CYBB: variants seen among roughly 807,000 people sequenced by gnomAD.
The protein encoded by CYBB is cytochrome b-245 beta chain.
In CYBB, 5 loss-of-function variants were observed where a neutral mutation model predicts 46.5. The ratio of observed to expected loss-of-function variants is 0.11; its 90% CI spans 0.06 to 0.23. The LOEUF (loss-of-function observed/expected upper bound fraction) is 0.23, where lower values mean the gene tolerates loss of function less well. Among genes scored for constraint, CYBB ranks in the 10% least tolerant of loss-of-function variants. CYBB has a pLI of 1.00. For synonymous variants in CYBB, 183 were observed against 156.7 expected, an observed-to-expected ratio of 1.17 and a Z score of -1.26; for missense variants, 307 against 428.3, an observed-to-expected ratio of 0.72 and a Z score of 2.50.
chrX:37,802,012 G>GAACT (rs782155014), intron 8 of CYBB, among the ~76,000 whole-genome samples: 158 of 111,553 alleles, frequency 1.4e-3, no homozygotes, highest in African/African-American at 4.8e-3. Context: ...AATGTAAATG[G>GAACT]AACTCCTTGT....
Position 37,792,025 on chromosome X carries a change from T to C in CYBB, c.303T>C (p.His101=). Reference sequence around the variant, plus strand: ...AACTGGACAGGAATCTCACCTTTCATAAAATGGTGGCATGGATGATTGCAC... The same window carrying C: ...AACTGGACAGGAATCTCACCTTTCACAAAATGGTGGCATGGATGATTGCAC... ...RRQLDRNLTF[H]KMVAWMIALH... is the part of the protein sequence containing the mutation. Residue 101 remains histidine, a synonymous_variant, in exon 4 of 13, where the codon CAT becomes CAC. Coordinates refer to ENST00000378588, the MANE Select transcript of CYBB (RefSeq NM_000397.4). 1 of 1,206,828 alleles carries C rather than the reference T, an allele frequency of 8.3e-7. No homozygotes were observed. Among genetic ancestry groups the C allele is most frequent in the South Asian group, 1.8e-5 (1 of 56,910 alleles).
At chrX:37,781,742 C>A (rs925735660) in intron 1 of CYBB, among the ~76,000 whole-genome samples, 12 of 111,487 alleles carry the variant, frequency 1.1e-4, no homozygotes, top group Non-Finnish European at 1.9e-4. Context: ...TGTTCCCTTC[C>A]TTTCTCATTT....
rs1556464897 is a variant in CYBB, at chrX:37,783,607, G to A, written c.252+7G>A. The A allele has an allele frequency of 1.8e-6, 2 of 1,139,817 alleles. No individual in the cohort carries two copies. Among genetic ancestry groups the A allele is most frequent in the South Asian group, 1.8e-5 (1 of 55,331 alleles). The allele number at this position is 1,139,817 out of a possible 1,213,427, so 93.9% of individuals were successfully genotyped here. A position where few individuals can be genotyped will look rare whatever the true frequency, so the allele number is the denominator to read the frequency against. On this transcript the variant is annotated splice_region_variant and intron_variant, in intron 3 of 12. Transcript: ENST00000378588. ...CCTCAGGGGTTCCAGTGCGGTAAGA[G>A]AAAATGTTTTACTAAGTTCCTCTAA...
At chrX:37,795,841 C>A (rs1410068997) in intron 5 of CYBB, 110 bp from the exon 6 acceptor site, 1 of 579,531 alleles carries the variant, frequency 1.7e-6, no homozygotes. Flanking sequence ...ACATTGGACA[C>A]TTTATAATAG....
Position 37,812,661 on chromosome X carries a change from A to G in CYBB, c.*1744A>G, listed in dbSNP as rs1411421721. On this transcript the variant is annotated 3_prime_UTR_variant, in exon 13 of 13. Coordinates refer to ENST00000378588, the MANE Select transcript of CYBB (RefSeq NM_000397.4). ...TATTCAAGGGACTAGGATGAACTAAATAAGAACTCAGTTGTTCTTTGTCAT... is the reference window on the plus strand; with the variant it reads ...TATTCAAGGGACTAGGATGAACTAAGTAAGAACTCAGTTGTTCTTTGTCAT... The G allele has an allele frequency of 8.9e-6, 1 of 111,938 alleles. No homozygotes were observed. Among genetic ancestry groups the G allele is most frequent in the African/African-American group, 3.3e-5 (1 of 30,747 alleles). The allele number at this position is 111,938 out of a possible 1,213,427, so 9.2% of individuals were successfully genotyped here. A position where few individuals can be genotyped will look rare whatever the true frequency, so the allele number is the denominator to read the frequency against.
At chrX:37,797,136 A>G (rs1018587683) in intron 6 of CYBB, among the ~76,000 whole-genome samples, 3 of 111,090 alleles carry the variant, frequency 2.7e-5, no homozygotes, top group African/African-American at 6.6e-5. Flanking sequence ...CATGACTGTG[A>G]AAAAGGGGAA....
intron 8 of CYBB, among the ~76,000 whole-genome samples, chrX:37,803,077 G>A (rs1054703049): frequency 8.9e-6 from 1 of 111,787 alleles, no homozygotes; most frequent in African/African-American, 3.3e-5. Context: ...GGGTAGAAAA[G>A]ATGGTGTACT....
rs1334896287 is a variant in CYBB, at chrX:37,806,595, C to T, written c.1461+62C>T. 3.7e-6 allele frequency: 4 copies of T among 1,069,956 alleles called. No homozygotes were observed. The South Asian group carries it at 5.8e-5, about 15-fold the overall frequency. 88.2% of individuals were successfully genotyped at this position (1,069,956 alleles called of 1,213,427 possible). ...AGTGTACAGGGCTTACGAACTTCCC[C>T]TTGGTTATTGGTGTGTCTTGTGTAC... On this transcript the variant is annotated intron_variant, in intron 11 of 12. Transcript: ENST00000378588.
At chrX:37,787,373 T>C (rs1360935031) in intron 3 of CYBB, among the ~76,000 whole-genome samples, 1 of 112,088 alleles carries the variant, frequency 8.9e-6, no homozygotes. Flanking sequence ...GCTTTTGAGT[T>C]TCTGTAAAGT....
chrX:37,800,649 G>A (rs782356767), intron 7 of CYBB, among the ~76,000 whole-genome samples: 7 of 111,480 alleles, frequency 6.3e-5, no homozygotes, highest in Non-Finnish European at 1.3e-4. Flanking sequence ...TAATGCTACA[G>A]AGTAATTCCA....
Position 37,793,614 on chromosome X carries a change from A to C in CYBB, c.338-51A>C, listed in dbSNP as rs782347535. On this transcript the variant is annotated intron_variant, in intron 4 of 12. Transcript: ENST00000378588. ...TGTCCCAGAAACCCAGCTTACAATA[A>C]ATTTGTTCATACCCTTCATTCTCTT... 2.5e-6 allele frequency: 3 copies of C among 1,185,645 alleles called. No homozygotes were observed. In the South Asian group the frequency reaches 5.3e-5, roughly 21 times the overall value.
chrX:37,805,987 C>G (rs1159608900), intron 10 of CYBB, among the ~76,000 whole-genome samples: 3 of 111,918 alleles, frequency 2.7e-5, no homozygotes, highest in Non-Finnish European at 5.6e-5. Flanking sequence ...TTTTTCCCCT[C>G]GGAACTCATG....
Position 37,793,682 on chromosome X carries a change from C to T in CYBB, c.355C>T (p.His119Tyr). ...ALHSAIHTIAHLFNVEWCVNA... is the reference protein window; with the variant it reads ...ALHSAIHTIAYLFNVEWCVNA... The stretch of plus-strand genomic sequence containing the variant: ...CTTTTCAGCGATTCACACCATTGCA[C>T]ATCTATTTAATGTGGAATGGTGTGT... The change falls in exon 5 of 13, where the codon CAT (histidine) becomes TAT (tyrosine). Residue 119 changes from histidine to tyrosine, a missense_variant. Physicochemically the swap from His to Tyr is moderately conservative, Grantham distance 83. Coordinates refer to ENST00000378588, the MANE Select transcript of CYBB (RefSeq NM_000397.4). 8.3e-7 allele frequency: 1 copy of T among 1,208,764 alleles called. No individual in the cohort carries two copies. Among genetic ancestry groups the T allele is most frequent in the Non-Finnish European group, 1.1e-6 (1 of 893,756 alleles).
In CYBB at chrX:37,793,721, A is replaced by G; in HGVS notation, c.394A>G (p.Asn132Asp). Reference protein sequence around the residue: ...NVEWCVNARVNNSDPYSVALS... With the variant: ...NVEWCVNARVDNSDPYSVALS... ...GGAATGGTGTGTGAATGCCCGAGTCAATAATTCTGATCCTTATTCAGTAGC... is the reference window on the plus strand; with the variant it reads ...GGAATGGTGTGTGAATGCCCGAGTCGATAATTCTGATCCTTATTCAGTAGC... Residue 132 changes from asparagine (N) to aspartate (D), a missense_variant, in exon 5 of 13, where the codon AAT becomes GAT. Physicochemically the swap from Asn to Asp is conservative, Grantham distance 23. Coordinates refer to ENST00000378588, the MANE Select transcript of CYBB (RefSeq NM_000397.4). 8.3e-7 allele frequency: 1 copy of G among 1,207,112 alleles called. No homozygotes were observed. Among genetic ancestry groups the G allele is most frequent in the South Asian group, 1.8e-5 (1 of 56,887 alleles).
intron 8 of CYBB, among the ~76,000 whole-genome samples, chrX:37,802,612 G>A (rs1929468768): frequency 8.9e-6 from 1 of 111,754 alleles, no homozygotes; most frequent in Admixed American, 9.5e-5. Flanking sequence ...TTAATTTTCT[G>A]TTTTCAAAAT....
intron 3 of CYBB, among the ~76,000 whole-genome samples, chrX:37,789,994 C>T (rs1929161477): frequency 2.7e-5 from 3 of 111,645 alleles, no homozygotes; most frequent in African/African-American, 9.8e-5. Flanking sequence ...GCCTGAAATC[C>T]CAGGGGATTG....
intron 7 of CYBB, among the ~76,000 whole-genome samples, chrX:37,799,884 A>AT (rs1292940159): frequency 5.5e-5 from 6 of 109,520 alleles, no homozygotes; most frequent in Admixed American, 1.9e-4. Context: ...GAAGAGGATT[A>AT]TTTTTTTTTC....
Position 37,811,076 on chromosome X carries a change from TAA to T in CYBB, c.*160_*161del, listed in dbSNP as rs1569480421. ...AATGTCAAAGATTGTTTGATAGTGA[TAA>T]GTTACATTTATGTGGAGCTCTATGG... On this transcript the variant is annotated 3_prime_UTR_variant, in exon 13 of 13. Transcript: ENST00000378588. 6.1e-6 allele frequency: 3 copies of T among 495,342 alleles called. No homozygotes were observed. The highest frequency in any genetic ancestry group is 3.0e-5 in the South Asian group (1 of 33,412). 40.8% of individuals were successfully genotyped at this position (495,342 alleles called of 1,213,427 possible). A position where few individuals can be genotyped will look rare whatever the true frequency, so the allele number is the denominator to read the frequency against.
intron 7 of CYBB, among the ~76,000 whole-genome samples, chrX:37,800,592 G>A (rs1428850859): frequency 9.0e-6 from 1 of 111,586 alleles, no homozygotes; most frequent in Non-Finnish European, 1.9e-5. Flanking sequence ...CCAATTGGCT[G>A]AGTTTCAGGA....
Sources: allele counts gnomAD v4.1 joint callset (sites outside exome capture counted in the v4.1 genomes callset), GRCh38; gene constraint gnomAD v4.1.1; transcripts MANE v1.5; gene names NCBI Gene and HGNC (gene_info 2026-07-23, HGNC 2026-07-21).